OSBPL5: variants seen among roughly 807,000 people sequenced by gnomAD.
OSBPL5 encodes oxysterol-binding protein-related protein 5.
A neutral mutation model predicts 111.2 loss-of-function variants in OSBPL5; 71 were observed. The ratio of observed to expected loss-of-function variants is 0.64; its 90% CI spans 0.53 to 0.78. OSBPL5 has a LOEUF of 0.78. Among genes scored for constraint, OSBPL5 ranks in the 30% least tolerant of loss-of-function variants. OSBPL5 has a pLI of 0.00. For synonymous variants in OSBPL5, 549 were observed against 513.9 expected (o/e 1.07, Z -0.93); for missense variants, 1,210 against 1,189.3 (o/e 1.02, Z -0.26).
rs932994684 is a variant in OSBPL5, at chr11:3,121,161, G to A, written c.403-537C>T. 1.3e-5 allele frequency among the ~76,000 whole-genome samples: 2 copies of A among 150,502 alleles called. No homozygotes were observed. Among genetic ancestry groups the A allele is most frequent in the Admixed American group, 6.7e-5 (1 of 14,990 alleles). On this transcript the variant is annotated intron_variant, in intron 5 of 21. Coordinates refer to ENST00000263650, the MANE Select transcript of OSBPL5 (RefSeq NM_020896.4). This position sits in a 1 kb window ranked among gnomAD's most constrained non-coding sequence, Gnocchi z 4.3. Reference sequence around the variant, plus strand: ...CAAACTCTGCCTCCCAGGTTCAAGCGATTCTCCTGCCTCAGCCGCCCGAGT... The same window carrying A: ...CAAACTCTGCCTCCCAGGTTCAAGCAATTCTCCTGCCTCAGCCGCCCGAGT...
rs2134511350 is a variant in OSBPL5, at chr11:3,141,353, GA to G, written c.-21-12185del. Among the ~76,000 whole-genome samples the G allele has an allele frequency of 6.6e-6, 1 of 152,250 alleles. No homozygotes were observed. The highest frequency in any genetic ancestry group is 1.9e-4 in the East Asian group (1 of 5,174). On this transcript the variant is annotated intron_variant, in intron 1 of 21. Transcript: ENST00000263650. The surrounding 1 kb of genome is among the most constrained non-coding windows in gnomAD (Gnocchi z 6.5). ...TCCTCCCTGTGACTCTGCATAGTGG[GA>G]AGGACGTGGATTCTAGAAACCCCTC... is the stretch of plus-strand genomic sequence containing the variant.
At position 3,093,063 on chromosome 11, in the gene OSBPL5, G is replaced by T; in HGVS notation, c.1947-11C>A. On this transcript the variant is annotated splice_polypyrimidine_tract_variant and intron_variant, in intron 17 of 21. Transcript: ENST00000263650. ...ACGTGCTGCCAGAGCCTGCGGGCCA[G>T]TGACCCATCCTGAGCCAGTGGCCCG... The T allele has an allele frequency of 6.4e-7, 1 of 1,557,524 alleles. No individual in the cohort carries two copies.
Position 3,104,095 on chromosome 11 carries a change from T to C in OSBPL5, c.1244+98A>G. 1 of 1,357,696 alleles carries C rather than the reference T, an allele frequency of 7.4e-7. No individual in the cohort carries two copies. Among genetic ancestry groups the C allele is most frequent in the Non-Finnish European group, 1.0e-6 (1 of 998,754 alleles). 84.1% of individuals were successfully genotyped at this position (1,357,696 alleles called of 1,614,324 possible). ...GGCTGAGATCAGCCATGGGATTCTCTGGAAGCCCCCACAGGGCAGGTAGGG... is the reference window on the plus strand; with the variant it reads ...GGCTGAGATCAGCCATGGGATTCTCCGGAAGCCCCCACAGGGCAGGTAGGG... On this transcript the variant is annotated intron_variant, in intron 10 of 21. Coordinates refer to ENST00000263650, the MANE Select transcript of OSBPL5 (RefSeq NM_020896.4). This position sits in a 1 kb window ranked among gnomAD's most constrained non-coding sequence, Gnocchi z 5.0.
rs188898924 is a variant in OSBPL5 at position 3,157,115 on chromosome 11, G to A, written c.-22+8101C>T. The stretch of plus-strand genomic sequence containing the variant: ...TACGGCCCAGGGCACCTGGCTTCAC[G>A]CACTAATGATCAGAGAGCCGCGTGC... On this transcript the variant is annotated intron_variant, in intron 1 of 21. Transcript: ENST00000263650. Among the ~76,000 whole-genome samples, 654 of 152,346 alleles carry A rather than the reference G, an allele frequency of 4.3e-3. 20 individuals are homozygous for A. Among genetic ancestry groups the A allele is most frequent in the Admixed American group, 0.041 (620 of 15,302 alleles).
intron 14 of OSBPL5, among the ~76,000 whole-genome samples, chr11:3,098,374 T>C (rs1398513085): frequency 6.6e-6 from 1 of 151,834 alleles, no homozygotes; most frequent in East Asian, 1.9e-4. Context: ...GGCTAAAATT[T>C]TCTGGACTTC....
Position 3,107,297 on chromosome 11 carries a change from G to A in OSBPL5, c.1025C>T (p.Thr342Ile). The A allele has an allele frequency of 1.2e-6, 2 of 1,613,470 alleles. No homozygotes were observed. The highest frequency in any genetic ancestry group is 1.3e-5 in the African/African-American group (1 of 74,960). Reference protein sequence around the residue: ...TPGAPVRRGTTYVEQVQEELG... With the variant: ...TPGAPVRRGTIYVEQVQEELG... ...CTCCTCCTGGACCTGCTCCACATAG[G>A]TGGTCCCTCTCCGCACCGGGGCCCC... Residue 342 changes from threonine (T) to isoleucine (I), a missense_variant, in exon 9 of 22, where the codon ACC becomes ATC. By Grantham distance (89) the Thr-to-Ile change is moderately conservative. Transcript: ENST00000263650. The surrounding 1 kb of genome is among the most constrained non-coding windows in gnomAD (Gnocchi z 6.1).
chr11:3,160,669 C>T (rs531531937), intron 1 of OSBPL5, among the ~76,000 whole-genome samples: 1 of 42,140 alleles, frequency 2.4e-5, no homozygotes, highest in Non-Finnish European at 5.1e-5. Flanking sequence ...TAAATGACAA[C>T]CCTCCCCCCC....
chr11:3,101,666 C>A lies in OSBPL5; in HGVS notation c.1459G>T (p.Val487Phe). The A allele has an allele frequency of 6.2e-7, 1 of 1,613,932 alleles. No individual in the cohort carries two copies. The highest frequency in any genetic ancestry group is 8.5e-7 in the Non-Finnish European group (1 of 1,179,980). ...CAGAAGCCGTCCTTCCGGTTGCTGA[C>A]GTGGAAGGCAGACACGGGCGGGTGG... ...SHHPPVSAFH[V>F]SNRKDGFCIS... The change falls in exon 13 of 22, where the codon GTC becomes TTC. Residue 487 changes from valine to phenylalanine, a missense_variant. Coordinates refer to ENST00000263650, the MANE Select transcript of OSBPL5 (RefSeq NM_020896.4).
rs1720297266 is a variant in OSBPL5 at position 3,092,010 on chromosome 11, T to TTAC, written c.2259+419_2259+421dup. Among the ~76,000 whole-genome samples, 1 of 152,132 alleles carries TTAC rather than the reference T, an allele frequency of 6.6e-6. No individual in the cohort carries two copies. The highest frequency in any genetic ancestry group is 2.1e-4 in the South Asian group (1 of 4,832). On this transcript the variant is annotated intron_variant, in intron 19 of 21. Coordinates refer to ENST00000263650, the MANE Select transcript of OSBPL5 (RefSeq NM_020896.4). The surrounding 1 kb of genome is among the most constrained non-coding windows in gnomAD (Gnocchi z 5.4). ...ACACACCCAAGGCAGCTTCCTCAGGTTACTCCCTGGAGCCTCCTGCTGTCC... is the reference window on the plus strand; with the variant it reads ...ACACACCCAAGGCAGCTTCCTCAGGTTACTACTCCCTGGAGCCTCCTGCTGTCC...
At chr11:3,093,952 A>T in intron 15 of OSBPL5, 117 bp from the exon 16 acceptor site, 1 of 1,287,238 alleles carries the variant, frequency 7.8e-7, no homozygotes, top group African/African-American at 1.5e-5. Context: ...CCCAGGAGGG[A>T]TGGACCCAAC....
chr11:3,155,089 C>T lies in OSBPL5; in HGVS notation c.-22+10127G>A, dbSNP rs555935338. 2.2e-4 allele frequency among the ~76,000 whole-genome samples: 34 copies of T among 152,218 alleles called. 1 individual carries two copies. The highest frequency in any genetic ancestry group is 1.9e-3 in the South Asian group (9 of 4,822). Reference sequence around the variant, plus strand: ...AGGTGGTTATCTGCATGACAAGGAGCGAGGCCTCAGGAGAAACCAGCCCTG... The same window carrying T: ...AGGTGGTTATCTGCATGACAAGGAGTGAGGCCTCAGGAGAAACCAGCCCTG... On this transcript the variant is annotated intron_variant, in intron 1 of 21. Coordinates refer to ENST00000263650, the MANE Select transcript of OSBPL5 (RefSeq NM_020896.4).
At chr11:3,119,763 G>A in intron 6 of OSBPL5, 132 bp from the exon 7 acceptor site, 2 of 788,502 alleles carry the variant, frequency 2.5e-6, no homozygotes, top group Non-Finnish European at 3.8e-6. Context: ...GCCACCAGGT[G>A]GGGCCAGGCA....
chr11:3,111,254 C>T (rs368814589), intron 7 of OSBPL5, among the ~76,000 whole-genome samples: 81 of 151,428 alleles, frequency 5.3e-4, no homozygotes, highest in South Asian at 1.7e-3. Flanking sequence ...TACTTGCTTC[C>T]GATACAAGGA....
chr11:3,112,983 G>C (rs1384634198), intron 7 of OSBPL5, among the ~76,000 whole-genome samples: 1 of 152,154 alleles, frequency 6.6e-6, no homozygotes, highest in African/African-American at 2.4e-5. Flanking sequence ...AAACCTATGA[G>C]ATGTACTTCT....
chr11:3,120,105 G>A, intron 6 of OSBPL5: 1 of 500,898 alleles, frequency 2.0e-6, no homozygotes, highest in South Asian at 2.4e-5. Flanking sequence ...CCCCGGGTTA[G>A]GAGGGGTGAG....
intron 1 of OSBPL5, among the ~76,000 whole-genome samples, chr11:3,136,649 C>G (rs1448300403): frequency 1.3e-5 from 2 of 152,226 alleles, no homozygotes; most frequent in Admixed American, 6.5e-5. Context: ...TGCTCTGAGT[C>G]AGGGAGATGA....
At chr11:3,112,087 ATG>A (rs1192900186) in intron 7 of OSBPL5, among the ~76,000 whole-genome samples, 6 of 97,380 alleles carry the variant, frequency 6.2e-5, no homozygotes, top group African/African-American at 1.3e-4. Context: ...GTGTGTGTGC[ATG>A]TGTGTGTGCA....
chr11:3,158,235 C>A (rs980112755), intron 1 of OSBPL5, among the ~76,000 whole-genome samples: 1 of 152,218 alleles, frequency 6.6e-6, no homozygotes, highest in Non-Finnish European at 1.5e-5. Flanking sequence ...GGTCTCGGAG[C>A]GAGAGAAATC....
Position 3,146,011 on chromosome 11 carries a change from G to A in OSBPL5, c.-21-16842C>T, listed in dbSNP as rs1228153333. Among the ~76,000 whole-genome samples the A allele has an allele frequency of 6.6e-6, 1 of 152,158 alleles. No homozygotes were observed. The highest frequency in any genetic ancestry group is 2.4e-5 in the African/African-American group (1 of 41,440). ...CAGCTGCCGTTCCACTTGCGGATGG[G>A]AGGATTCACCTGGGGGCCCCTCCGC... On this transcript the variant is annotated intron_variant, in intron 1 of 21. Coordinates refer to ENST00000263650, the MANE Select transcript of OSBPL5 (RefSeq NM_020896.4). The surrounding 1 kb of genome is among the most constrained non-coding windows in gnomAD (Gnocchi z 7.8).
Sources: gnomAD v4.1 joint callset for allele counts (sites outside exome capture counted in the v4.1 genomes callset) on GRCh38, gnomAD v4.1.1 for gene constraint, Gnocchi (gnomAD v3.1) non-coding constraint, MANE v1.5 for transcripts, NCBI Gene and HGNC (gene_info 2026-07-23, HGNC 2026-07-21) for gene names.